The following SFSWAP variants were observed in gnomAD, a reference collection of about 807,000 sequenced individuals.
The protein encoded by SFSWAP is splicing factor SWAP, also known as splicing factor, suppressor of white-apricot homolog.
Under a neutral mutation model 100.7 loss-of-function variants are expected in SFSWAP, and 17 were observed. The observed-to-expected ratio is 0.17, with a 90% CI of 0.12 to 0.25. SFSWAP has a LOEUF of 0.25. Ranked by LOEUF, SFSWAP falls within the 10% of genes least tolerant of loss-of-function variation. SFSWAP has a pLI of 1.00. For missense variants in SFSWAP, 1,005 were observed against 1,262.6 expected (o/e 0.80, Z 3.09); for synonymous variants, 504 against 510.1 (o/e 0.99, Z 0.16).
rs1879737274 is a variant in SFSWAP at position 131,733,786 on chromosome 12, T to C, written c.1081+5358T>C. ...GGGGTGGGCCCCGAGGTGTGCAGAG[T>C]GTGTGTTCAGGCTTGTCTTCCTGCC... On this transcript the variant is annotated intron_variant, in intron 7 of 17. Transcript: ENST00000261674. This position sits in a 1 kb window ranked among gnomAD's most constrained non-coding sequence, Gnocchi z 5.1. 6.6e-6 allele frequency among the ~76,000 whole-genome samples: 1 copy of C among 150,966 alleles called. No homozygotes were observed. The highest frequency in any genetic ancestry group is 1.5e-5 in the Non-Finnish European group (1 of 67,636).
intron 3 of SFSWAP, among the ~76,000 whole-genome samples, chr12:131,716,803 C>T (rs1306382949): frequency 6.6e-6 from 1 of 152,150 alleles, no homozygotes; most frequent in African/African-American, 2.4e-5. Context: ...AGCCCCTATT[C>T]TAGATGATGG....
intron 15 of SFSWAP, among the ~76,000 whole-genome samples, chr12:131,787,452 A>T (rs1401777624): frequency 6.6e-6 from 1 of 151,814 alleles, no homozygotes; most frequent in African/African-American, 2.4e-5. Context: ...GCAGCCGTGC[A>T]TTTCCACTCT....
intron 13 of SFSWAP, among the ~76,000 whole-genome samples, chr12:131,769,485 C>G (rs1393117700): frequency 2.0e-5 from 3 of 152,180 alleles, no homozygotes; most frequent in Admixed American, 6.5e-5. Flanking sequence ...AACTCAGTCA[C>G]AAGTATAATT....
intron 13 of SFSWAP, among the ~76,000 whole-genome samples, chr12:131,768,914 A>G (rs1315657427): frequency 1.3e-5 from 2 of 152,146 alleles, no homozygotes; most frequent in Non-Finnish European, 2.9e-5. Context: ...GCTTGAGGCC[A>G]GGAGTTCGAG....
Position 131,778,321 on chromosome 12 carries a change from G to A in SFSWAP, c.2399G>A (p.Arg800Gln), listed in dbSNP as rs748862896. The A allele has an allele frequency of 8.7e-6, 14 of 1,612,144 alleles. No homozygotes were observed. The highest frequency in any genetic ancestry group is 2.7e-5 in the African/African-American group (2 of 74,726). Reference sequence around the variant, plus strand: ...CTTCCCAGTGCCTATCGGACAGTGCGGCGGTCGAGGTGGGTGTGAAGGGGG... The same window carrying A: ...CTTCCCAGTGCCTATCGGACAGTGCAGCGGTCGAGGTGGGTGTGAAGGGGG... Reference protein sequence around the residue: ...HSLPSAYRTVRRSRSRSRSPR... With the variant: ...HSLPSAYRTVQRSRSRSRSPR... The change falls in exon 14 of 18, where the codon CGG becomes CAG. Residue 800 changes from arginine to glutamine, a missense_variant. Coordinates refer to ENST00000261674, the MANE Select transcript of SFSWAP (RefSeq NM_004592.4). This position sits in a 1 kb window ranked among gnomAD's most constrained non-coding sequence, Gnocchi z 4.2.
In SFSWAP at chr12:131,753,183, C is replaced by T. The variant is rs370053080; in HGVS notation, c.1142C>T (p.Ala381Val). The change falls in exon 8 of 18, where the codon GCG (alanine) becomes GTG (valine). Residue 381 changes from alanine to valine, a missense_variant. By Grantham distance (64) the Ala-to-Val change is moderately conservative (BLOSUM62 0). Around this residue, in one of 7 missense-constraint regions of SFSWAP, gnomAD observed 311 missense variants for 317.8 expected, o/e 0.98. Coordinates refer to ENST00000261674, the MANE Select transcript of SFSWAP (RefSeq NM_004592.4). ...CTACCGGACGGCACTTACTGCCTGG[C>T]GCCGCCCCCTCCCGGAATCGACGTG... ...YMLPDGTYCL[A>V]PPPPGIDVTT... 57 of 1,614,052 alleles carry T rather than the reference C, an allele frequency of 3.5e-5. No individual in the cohort carries two copies. The highest frequency in any genetic ancestry group is 4.8e-5 in the Non-Finnish European group (57 of 1,180,010).
At chr12:131,755,150 C>T (rs1050337981) in intron 9 of SFSWAP, among the ~76,000 whole-genome samples, 2 of 152,176 alleles carry the variant, frequency 1.3e-5, no homozygotes, top group Non-Finnish European at 2.9e-5. Context: ...TCCCACGCCT[C>T]AGTACTAATA....
At position 131,734,754 on chromosome 12, in the gene SFSWAP, C is replaced by T. The variant is rs1020639305; in HGVS notation, c.1081+6326C>T. On this transcript the variant is annotated intron_variant, in intron 7 of 17. Transcript: ENST00000261674. This position sits in a 1 kb window ranked among gnomAD's most constrained non-coding sequence, Gnocchi z 4.9. ...CTGGGAGAAGTCACCTGCACAGGTA[C>T]CTTGGATCCAACTGACAGGTGAGAT... 2.0e-5 allele frequency among the ~76,000 whole-genome samples: 3 copies of T among 152,212 alleles called. No homozygotes were observed. Among genetic ancestry groups the T allele is most frequent in the African/African-American group, 7.2e-5 (3 of 41,450 alleles).
chr12:131,714,744 G>A lies in SFSWAP; in HGVS notation c.389-78G>A. The A allele has an allele frequency of 2.2e-6, 3 of 1,359,110 alleles. No individual in the cohort carries two copies. The highest frequency in any genetic ancestry group is 3.1e-6 in the Non-Finnish European group (3 of 967,710). 84.2% of individuals were successfully genotyped at this position (1,359,110 alleles called of 1,614,324 possible). On this transcript the variant is annotated intron_variant, in intron 2 of 17. Transcript: ENST00000261674. The surrounding 1 kb of genome is among the most constrained non-coding windows in gnomAD (Gnocchi z 6.0). ...AAGTATGTTGTATGCTTTACTGATA[G>A]CTACAACTTTAGAAATATATAAAGT...
At chr12:131,718,221 G>A (rs1878117692) in intron 3 of SFSWAP, among the ~76,000 whole-genome samples, 2 of 152,164 alleles carry the variant, frequency 1.3e-5, no homozygotes, top group African/African-American at 2.4e-5. Flanking sequence ...TTGGTTTCAC[G>A]GAATGAGGTT....
intron 13 of SFSWAP, among the ~76,000 whole-genome samples, chr12:131,769,859 A>G (rs768117108): frequency 6.6e-6 from 1 of 152,008 alleles, no homozygotes; most frequent in African/African-American, 2.4e-5. Flanking sequence ...AATCTGTCCT[A>G]TTTATTTTTA....
chr12:131,759,892 C>T (rs186162053), intron 11 of SFSWAP, among the ~76,000 whole-genome samples: 2 of 152,028 alleles, frequency 1.3e-5, no homozygotes, highest in Non-Finnish European at 2.9e-5. Flanking sequence ...AATGAGAAGA[C>T]CTTCTAGTAT....
At chr12:131,738,980 A>ACCTCCCAGGCTCAG (rs1555243253) in intron 7 of SFSWAP, among the ~76,000 whole-genome samples, 3 of 140,122 alleles carry the variant, frequency 2.1e-5, no homozygotes, top group African/African-American at 7.8e-5. Flanking sequence ...TGCAACCTCA[A>ACCTCCCAGGCTCAG]GCTATCCTCC....
In SFSWAP at chr12:131,725,512, C is replaced by G. The variant is rs1401222207; in HGVS notation, c.714C>G (p.Ser238=). Residue 238 remains serine (S), a synonymous_variant, in exon 5 of 18, where the codon TCC becomes TCG. Coordinates refer to ENST00000261674, the MANE Select transcript of SFSWAP (RefSeq NM_004592.4). The surrounding 1 kb of genome is among the most constrained non-coding windows in gnomAD (Gnocchi z 4.3). Reference sequence around the variant, plus strand: ...TGAAGGCCAAGCAGGCCCGGAACTCCCAGTTTGACTTTCTGCGCTTCGACC... The same window carrying G: ...TGAAGGCCAAGCAGGCCCGGAACTCGCAGTTTGACTTTCTGCGCTTCGACC... The part of the protein sequence containing the change: ...IMLKAKQARN[S]QFDFLRFDHY... 3 of 1,614,026 alleles carry G rather than the reference C, an allele frequency of 1.9e-6. No homozygotes were observed. In the Admixed American group the frequency reaches 5.0e-5, roughly 27 times the overall value.
intron 13 of SFSWAP, 68 bp downstream of exon 13, chr12:131,766,376 C>G: frequency 2.1e-6 from 3 of 1,429,312 alleles, no homozygotes; most frequent in Non-Finnish European, 2.9e-6. Context: ...GGATGTGTCT[C>G]CCTCCAGCTG....
intron 7 of SFSWAP, among the ~76,000 whole-genome samples, chr12:131,745,944 C>T (rs961009861): frequency 1.3e-5 from 2 of 152,204 alleles, no homozygotes; most frequent in African/African-American, 4.8e-5. Flanking sequence ...ACCAGCCCTG[C>T]TAGGGTAAAT....
At position 131,799,006 on chromosome 12, in the gene SFSWAP, G is replaced by C. The variant is rs780383873; in HGVS notation, c.2718-31G>C. The C allele has an allele frequency of 2.6e-6, 4 of 1,560,462 alleles. No homozygotes were observed. In the Admixed American group the frequency reaches 5.0e-5, roughly 20 times the overall value. The stretch of plus-strand genomic sequence containing the variant: ...CTTGGCTCAGCATCTTCACACGGTT[G>C]TAAGCTCTGCTCTCTCTCTCTCTGC... On this transcript the variant is annotated intron_variant, in intron 16 of 17. Transcript: ENST00000261674.
intron 7 of SFSWAP, among the ~76,000 whole-genome samples, chr12:131,745,000 C>T (rs1880981903): frequency 6.6e-6 from 1 of 152,176 alleles, no homozygotes; most frequent in African/African-American, 2.4e-5. Flanking sequence ...TCACCTCCTA[C>T]CAGGCTCCTC....
At chr12:131,779,697 C>T (rs962025271) in intron 14 of SFSWAP, among the ~76,000 whole-genome samples, 2 of 152,194 alleles carry the variant, frequency 1.3e-5, no homozygotes, top group African/African-American at 4.8e-5. Context: ...GGGAGCTTTA[C>T]GGGCTTTTTA....
Sources: gnomAD v4.1 joint callset for allele counts (sites outside exome capture counted in the v4.1 genomes callset) on GRCh38, gnomAD v4.1.1 for gene constraint, gnomAD v4.1.1 regional missense constraint, Gnocchi (gnomAD v3.1) non-coding constraint, MANE v1.5 for transcripts, NCBI Gene and HGNC (gene_info 2026-07-23, HGNC 2026-07-21) for gene names.